The following IFI16 variants were observed in gnomAD, a reference collection of about 807,000 sequenced individuals.
IFI16 encodes the protein interferon gamma inducible protein 16, also known as gamma-interferon-inducible protein 16.
A neutral mutation model predicts 68.4 loss-of-function variants in IFI16; 49 were observed. The observed-to-expected ratio is 0.72, with a 90% CI of 0.57 to 0.91. The LOEUF (loss-of-function observed/expected upper bound fraction) is 0.91. Among genes scored for constraint, IFI16 ranks in the 40% least tolerant of loss-of-function variants. IFI16 has a pLI of 0.00. For missense variants in IFI16, 878 were observed against 942.9 expected (o/e 0.93, Z 0.90); for synonymous variants, 307 against 315.0 (o/e 0.97, Z 0.27).
At chr1:159,011,068 C>G (rs943078785) in intron 1 of IFI16, among the ~76,000 whole-genome samples, 1 of 152,236 alleles carries the variant, frequency 6.6e-6, no homozygotes, top group African/African-American at 2.4e-5. Flanking sequence ...GAAGCATAAA[C>G]TGAAATCTCC....
At chr1:159,014,981 C>A in intron 2 of IFI16, 36 bp downstream of exon 2, 1 of 1,547,982 alleles carries the variant, frequency 6.5e-7, no homozygotes. Context: ...TCCCTGCAAC[C>A]ATCCCCAAAC....
At chr1:159,019,013 A>G (rs2239890) in intron 5 of IFI16, among the ~76,000 whole-genome samples, 38,440 of 152,120 alleles carry the variant, frequency 0.25, 7,944 homozygotes, top group African/African-American at 0.56. Context: ...CTCTACTGTC[A>G]TAAAAATCAC....
At chr1:159,039,897 C>T (rs1448446047) in intron 7 of IFI16, among the ~76,000 whole-genome samples, 3 of 152,200 alleles carry the variant, frequency 2.0e-5, no homozygotes, top group Admixed American at 6.5e-5. Context: ...ATCCTTTGTG[C>T]CTCTTCAAAG....
intron 6 of IFI16, among the ~76,000 whole-genome samples, chr1:159,022,867 A>G (rs1434001533): frequency 6.6e-6 from 1 of 152,244 alleles, no homozygotes; most frequent in Non-Finnish European, 1.5e-5. Context: ...AGGAACCTCT[A>G]CTTTTTACAA....
chr1:159,018,539 C>T lies in IFI16; in HGVS notation c.860C>T (p.Thr287Met), dbSNP rs145736033. ...STVSEAGPNQTFEVPNKIINR... is the reference protein window; with the variant it reads ...STVSEAGPNQMFEVPNKIINR... ...GTATCTGAAGCTGGTCCTAACCAAA[C>T]GTTTGAGGTTCCAAATAAAATCATC... The change falls in exon 5 of 12, where the codon ACG (threonine) becomes ATG (methionine). Residue 287 changes from threonine (T) to methionine (M), a missense_variant. Thr to Met is a moderately conservative substitution (Grantham distance 81). Coordinates refer to ENST00000295809, the MANE Select transcript of IFI16 (RefSeq NM_001376587.1). 5.3e-5 allele frequency: 85 copies of T among 1,613,590 alleles called. No individual in the cohort carries two copies. Among genetic ancestry groups the T allele is most frequent in the East Asian group, 1.3e-4 (6 of 44,878 alleles).
At chr1:159,013,732 G>C (rs1353097213) in intron 1 of IFI16, among the ~76,000 whole-genome samples, 1 of 152,134 alleles carries the variant, frequency 6.6e-6, no homozygotes, top group Non-Finnish European at 1.5e-5. Context: ...TTTCCAGGCA[G>C]TAAGAAGGAA....
upstream of IFI16, among the ~76,000 whole-genome samples, chr1:159,008,584 G>C (rs1161527020): frequency 6.6e-6 from 1 of 152,004 alleles, no homozygotes; most frequent in African/African-American, 2.4e-5. Flanking sequence ...AACTTCCAAG[G>C]GTTCTCTACC....
chr1:159,013,079 T>C (rs767545754), intron 1 of IFI16, among the ~76,000 whole-genome samples: 4 of 151,796 alleles, frequency 2.6e-5, no homozygotes, highest in Middle Eastern at 3.2e-3. Context: ...TCAGTTTCAC[T>C]ATAATGTGTT....
At chr1:159,026,594 C>T (rs114107612) in intron 6 of IFI16, among the ~76,000 whole-genome samples, 3,001 of 152,142 alleles carry the variant, frequency 0.02, 49 homozygotes, top group Non-Finnish European at 0.029. Flanking sequence ...CCACTGCGCC[C>T]GGCCAATATG....
rs202009746 is a variant in IFI16, at chr1:159,053,624, A to G, written c.2177A>G (p.Asn726Ser). The G allele has an allele frequency of 3.1e-6, 5 of 1,613,958 alleles. No homozygotes were observed. The highest frequency in any genetic ancestry group is 1.3e-5 in the African/African-American group (1 of 75,052). Residue 726 changes from asparagine to serine, a missense_variant, in exon 11 of 12, where the codon AAC (asparagine) becomes AGC (serine). By Grantham distance (46) the Asn-to-Ser change is conservative. This residue lies in a region of IFI16 where 311 missense variants were observed against 305.1 expected (regional missense o/e 1.02). Transcript: ENST00000295809. ...VVVHGRLTTINCEEGDKLKLT... is the reference protein window; with the variant it reads ...VVVHGRLTTISCEEGDKLKLT... ...GTGCATGGACGACTGACCACAATCAACTGTGAGGAAGGAGATAAACTGAAA... is the reference window on the plus strand; with the variant it reads ...GTGCATGGACGACTGACCACAATCAGCTGTGAGGAAGGAGATAAACTGAAA...
At chr1:159,008,150 A>G (rs762645190), upstream of IFI16, among the ~76,000 whole-genome samples, 154 of 152,300 alleles carry the variant, frequency 1.0e-3, no homozygotes, top group Non-Finnish European at 1.5e-3. Flanking sequence ...AAAGAGAGAA[A>G]TGGAACACTC....
intron 6 of IFI16, among the ~76,000 whole-genome samples, chr1:159,030,564 A>T (rs1270783114): frequency 6.6e-6 from 1 of 152,002 alleles, no homozygotes; most frequent in Non-Finnish European, 1.5e-5. Context: ...GATTGTCAAC[A>T]CCCAGCAGAG....
chr1:159,044,434 G>C (rs148714124), intron 7 of IFI16, among the ~76,000 whole-genome samples: 5,472 of 151,452 alleles, frequency 0.036, 154 homozygotes, highest in Middle Eastern at 0.068. Flanking sequence ...CTCAGTGGTG[G>C]TCAGAGACTG....
upstream of IFI16, chr1:159,009,091 C>T (rs981919312): frequency 1.3e-5 from 2 of 152,194 alleles, no homozygotes; most frequent in African/African-American, 2.4e-5. Flanking sequence ...ACAGACTCCT[C>T]ACACTACCGG....
chr1:159,025,177 C>A (rs894604248), intron 6 of IFI16, among the ~76,000 whole-genome samples: 4 of 152,128 alleles, frequency 2.6e-5, no homozygotes, highest in African/African-American at 7.2e-5. Context: ...ATGGTGACGC[C>A]TCCCGCTCCA....
chr1:159,003,864 G>A (rs1229594272), upstream of IFI16, among the ~76,000 whole-genome samples: 3 of 152,020 alleles, frequency 2.0e-5, no homozygotes, highest in Non-Finnish European at 4.4e-5. Context: ...GTTTCACTGT[G>A]TTAGCCAGGA....
upstream of IFI16, among the ~76,000 whole-genome samples, chr1:159,009,426 C>G (rs184249327): frequency 2.6e-5 from 4 of 152,102 alleles, no homozygotes; most frequent in African/African-American, 4.8e-5. Context: ...CCAGGAGATG[C>G]AGTAAAGTAT....
At position 159,040,897 on chromosome 1, in the gene IFI16, G is replaced by A. The variant is rs547815966; in HGVS notation, c.1330-4400G>A. 5.9e-5 allele frequency among the ~76,000 whole-genome samples: 9 copies of A among 152,352 alleles called. No homozygotes were observed. In the East Asian group the frequency reaches 1.2e-3, roughly 20 times the overall value. On this transcript the variant is annotated intron_variant, in intron 7 of 11. Coordinates refer to ENST00000295809, the MANE Select transcript of IFI16 (RefSeq NM_001376587.1). ...TTTGGAATAATGTTTCTACCAGTGT[G>A]AGAGAGAAGATTTAAATTGTCTCCA...
At chr1:159,041,516 TTTGATGAG>T (rs1253230457) in intron 7 of IFI16, among the ~76,000 whole-genome samples, 1 of 152,208 alleles carries the variant, frequency 6.6e-6, no homozygotes, top group Non-Finnish European at 1.5e-5. Flanking sequence ...TGTGTACTCA[TTTGATGAG>T]ACAGGTTTAC....
Sources: gnomAD v4.1 joint callset for allele counts (sites outside exome capture counted in the v4.1 genomes callset) on GRCh38, gnomAD v4.1.1 for gene constraint, gnomAD v4.1.1 regional missense constraint, MANE v1.5 for transcripts, NCBI Gene and HGNC (gene_info 2026-07-23, HGNC 2026-07-21) for gene names.